The following TSPAN18 variants were observed in gnomAD, a reference collection of about 807,000 sequenced individuals.
TSPAN18 encodes the protein tetraspanin-18.
A neutral mutation model predicts 27.3 loss-of-function variants in TSPAN18; 14 were observed. The observed-to-expected ratio is 0.51, with a 90% CI of 0.34 to 0.80. TSPAN18 has a LOEUF of 0.80. Ranked by LOEUF, TSPAN18 falls within the 30% of genes least tolerant of loss-of-function variation. The probability of loss-of-function intolerance (pLI) is 0.01; values close to 1 mark genes in which losing one functional copy is unlikely to be tolerated. For synonymous variants in TSPAN18, 143 were observed against 136.5 expected (o/e 1.05, Z -0.33); for missense variants, 268 against 323.9 (o/e 0.83, Z 1.32).
intron 3 of TSPAN18, among the ~76,000 whole-genome samples, chr11:44,894,758 GGAA>G (rs1858982422): frequency 6.6e-6 from 1 of 152,220 alleles, no homozygotes; most frequent in Non-Finnish European, 1.5e-5. Context: ...GCTGGCTCAG[GGAA>G]GAAGTTTAGC....
At chr11:44,878,461 A>G (rs1858400957) in intron 3 of TSPAN18, among the ~76,000 whole-genome samples, 1 of 152,212 alleles carries the variant, frequency 6.6e-6, no homozygotes, top group South Asian at 2.1e-4. Context: ...AGGAAAGGAA[A>G]GAATAAGGGA....
chr11:44,912,028 C>CT (rs914838322), intron 5 of TSPAN18, among the ~76,000 whole-genome samples: 39 of 142,424 alleles, frequency 2.7e-4, no homozygotes, highest in East Asian at 2.1e-4. Flanking sequence ...CATCTCTGTC[C>CT]TTTTTTTTTT....
At chr11:44,925,097 G>A (rs145280734) in intron 8 of TSPAN18, among the ~76,000 whole-genome samples, 3 of 152,274 alleles carry the variant, frequency 2.0e-5, no homozygotes, top group African/African-American at 7.2e-5. Flanking sequence ...CCTTAACTGG[G>A]CTCCCAGTGC....
intron 2 of TSPAN18, among the ~76,000 whole-genome samples, chr11:44,824,564 G>A (rs1474251616): frequency 6.6e-6 from 1 of 152,188 alleles, no homozygotes; most frequent in African/African-American, 2.4e-5. Flanking sequence ...ACAAAGCTGG[G>A]GCCTTGTCTA....
chr11:44,748,359 C>T (rs572560323), intron 1 of TSPAN18, among the ~76,000 whole-genome samples: 1 of 151,596 alleles, frequency 6.6e-6, no homozygotes, highest in African/African-American at 2.4e-5. Flanking sequence ...GATTGCACCA[C>T]TGCACTCCAG....
intron 2 of TSPAN18, among the ~76,000 whole-genome samples, chr11:44,826,509 G>A (rs956276146): frequency 6.6e-6 from 1 of 152,210 alleles, no homozygotes; most frequent in African/African-American, 2.4e-5. Flanking sequence ...TCTATCGCCG[G>A]CAGGTACCAC....
chr11:44,928,257 T>C (rs1190983116), intron 9 of TSPAN18, among the ~76,000 whole-genome samples: 1 of 152,262 alleles, frequency 6.6e-6, no homozygotes, highest in Non-Finnish European at 1.5e-5. Flanking sequence ...GCTGCCTGCC[T>C]ATTCATAGCA....
chr11:44,836,106 G>T (rs766143096), intron 2 of TSPAN18, among the ~76,000 whole-genome samples: 6 of 152,142 alleles, frequency 3.9e-5, no homozygotes, highest in African/African-American at 1.4e-4. Context: ...AGGAGGAGTC[G>T]CATATCTCTC....
At chr11:44,728,276 G>A (rs1352083430) in intron 1 of TSPAN18, among the ~76,000 whole-genome samples, 3 of 152,244 alleles carry the variant, frequency 2.0e-5, no homozygotes, top group Non-Finnish European at 2.9e-5. Context: ...GCAAATGGAT[G>A]AGTAAGAAAT....
intron 2 of TSPAN18, among the ~76,000 whole-genome samples, chr11:44,772,036 C>A (rs2134918578): frequency 6.6e-6 from 1 of 152,298 alleles, no homozygotes; most frequent in South Asian, 2.1e-4. Context: ...AGGAGAAGCC[C>A]AGTGTTCCAG....
chr11:44,920,760 G>A (rs1036912094), intron 8 of TSPAN18, among the ~76,000 whole-genome samples: 2 of 152,164 alleles, frequency 1.3e-5, no homozygotes, highest in Admixed American at 1.3e-4. Context: ...ACTTTAACGA[G>A]GGTCTCATGG....
At chr11:44,776,503 C>T (rs1855811656) in intron 2 of TSPAN18, among the ~76,000 whole-genome samples, 1 of 152,120 alleles carries the variant, frequency 6.6e-6, no homozygotes. Flanking sequence ...CAGACCACAG[C>T]CGTCATATAT....
chr11:44,782,339 C>T (rs943925670), intron 2 of TSPAN18, among the ~76,000 whole-genome samples: 4 of 151,890 alleles, frequency 2.6e-5, no homozygotes, highest in Admixed American at 6.6e-5. Context: ...GTCAGGAGTT[C>T]GAGACCAGCC....
rs965435683 is a variant in TSPAN18 at position 44,764,095 on chromosome 11, C to T, written c.-239-331C>T. Among the ~76,000 whole-genome samples, 18 of 152,208 alleles carry T rather than the reference C, an allele frequency of 1.2e-4. No individual in the cohort carries two copies. In the South Asian group the frequency reaches 1.2e-3, roughly 11 times the overall value. The stretch of plus-strand genomic sequence containing the variant: ...CACACTTTTAAACAAGCAGATCTCA[C>T]GGTATCTCACTCACTATCATGAGAA... On this transcript the variant is annotated intron_variant, in intron 1 of 9. Transcript: ENST00000520358.
chr11:44,929,096 A>G, intron 9 of TSPAN18, 35 bp from the exon 10 acceptor site: 1 of 1,612,476 alleles, frequency 6.2e-7, no homozygotes, highest in Non-Finnish European at 8.5e-7. Context: ...GCCCAGCCTG[A>G]TAAGCCAGTT....
chr11:44,739,498 C>T (rs542032480), intron 1 of TSPAN18, among the ~76,000 whole-genome samples: 185 of 152,230 alleles, frequency 1.2e-3, no homozygotes, highest in African/African-American at 4.2e-3. Flanking sequence ...GTGGCGGGTG[C>T]CTGTAATCCC....
intron 3 of TSPAN18, among the ~76,000 whole-genome samples, chr11:44,860,784 G>A (rs1857858537): frequency 6.6e-6 from 1 of 152,188 alleles, no homozygotes; most frequent in Admixed American, 6.5e-5. Context: ...AGCTCAACTG[G>A]GGAAGGGTGG....
rs989050647 is a variant in TSPAN18, at chr11:44,930,178, G to A, written c.*1000G>A. 2.0e-5 allele frequency: 3 copies of A among 152,382 alleles called. No homozygotes were observed. Among genetic ancestry groups the A allele is most frequent in the African/African-American group, 7.3e-5 (3 of 41,378 alleles). 9.4% of individuals were successfully genotyped at this position (152,382 alleles called of 1,614,324 possible). On this transcript the variant is annotated 3_prime_UTR_variant, in exon 10 of 10. Transcript: ENST00000520358. ...TCCCCAACTCCCCAGCTCCAAGAGT[G>A]GAAGAAATCCCCAAGATCATCTGGG...
At chr11:44,744,006 A>G (rs1443789817) in intron 1 of TSPAN18, among the ~76,000 whole-genome samples, 3 of 152,182 alleles carry the variant, frequency 2.0e-5, no homozygotes, top group African/African-American at 4.8e-5. Context: ...AGGGGAAAAG[A>G]GCAAGAAGGA....
Sources: gnomAD v4.1 joint callset for allele counts (sites outside exome capture counted in the v4.1 genomes callset) on GRCh38, gnomAD v4.1.1 for gene constraint, MANE v1.5 for transcripts, NCBI Gene and HGNC (gene_info 2026-07-23, HGNC 2026-07-21) for gene names.